SPTA1: variants seen among roughly 807,000 people sequenced by gnomAD.
SPTA1 encodes the protein spectrin alpha chain, erythrocytic 1.
Under a neutral mutation model 324.7 loss-of-function variants are expected in SPTA1, and 177 were observed. That is an observed-to-expected ratio of 0.55 (90% CI 0.48 to 0.62). The LOEUF (loss-of-function observed/expected upper bound fraction) is 0.62. Ranked by LOEUF, SPTA1 falls within the 20% of genes least tolerant of loss-of-function variation. SPTA1 has a pLI of 0.00. For missense variants in SPTA1, 3,162 were observed against 2,883.6 expected, an observed-to-expected ratio of 1.10 and a Z score of -2.21; for synonymous variants, 1,195 against 1,041.3, an observed-to-expected ratio of 1.15 and a Z score of -2.84.
Position 158,680,720 on chromosome 1 carries a change from C to T in SPTA1, c.541G>A (p.Ala181Thr), listed in dbSNP as rs749459491. 13 of 1,613,560 alleles carry T rather than the reference C, an allele frequency of 8.1e-6. No individual in the cohort carries two copies. In the South Asian group the frequency reaches 1.2e-4, roughly 15 times the overall value. Reference protein sequence around the residue: ...LEWIGDKEAIATSVELGEDWE... With the variant: ...LEWIGDKEAITTSVELGEDWE... The stretch of plus-strand genomic sequence containing the variant: ...TCTTCACCTAGCTCCACTGATGTCG[C>T]TATAGCCTCCTGTAGACACAGAAGT... The change falls in exon 5 of 52, where the codon GCG becomes ACG. Residue 181 changes from alanine to threonine, a missense_variant. By Grantham distance (58) the Ala-to-Thr change is moderately conservative (BLOSUM62 0). Coordinates refer to ENST00000643759, the MANE Select transcript of SPTA1 (RefSeq NM_003126.4).
rs1652912357 is a variant in SPTA1 at position 158,657,524 on chromosome 1, G to T, written c.2758C>A (p.Pro920Thr). 2 of 1,614,016 alleles carry T rather than the reference G, an allele frequency of 1.2e-6. No homozygotes were observed. The highest frequency in any genetic ancestry group is 1.7e-6 in the Non-Finnish European group (2 of 1,179,960). The change falls in exon 19 of 52, where the codon CCT (proline) becomes ACT (threonine). Residue 920 changes from proline (P) to threonine (T), a missense_variant. Transcript: ENST00000643759. ...CCATAGTTAGTATTATCTACAATAG[G>T]TTCCTTCTCTCTGATCCATGTTTCT... The part of the protein sequence containing the change: ...EAETWIREKE[P>T]IVDNTNYGAD...
intron 18 of SPTA1, among the ~76,000 whole-genome samples, chr1:158,658,991 G>A (rs1373122972): frequency 6.6e-6 from 1 of 152,020 alleles, no homozygotes; most frequent in Non-Finnish European, 1.5e-5. Flanking sequence ...TATAAGGAAT[G>A]TTAGATGAAG....
Position 158,657,556 on chromosome 1 carries a change from T to A in SPTA1, c.2726A>T (p.His909Leu), listed in dbSNP as rs774846200. The A allele has an allele frequency of 6.2e-7, 1 of 1,611,762 alleles. No individual in the cohort carries two copies. Among genetic ancestry groups the A allele is most frequent in the Non-Finnish European group, 8.5e-7 (1 of 1,178,470 alleles). The change falls in exon 19 of 52, where the codon CAT becomes CTT. Residue 909 changes from histidine to leucine, a missense_variant. Transcript: ENST00000643759. Reference protein sequence around the residue: ...VQFQQYLADLHEAETWIREKE... With the variant: ...VQFQQYLADLLEAETWIREKE... Reference sequence around the variant, plus strand: ...CTCTCTGATCCATGTTTCTGCTTCATGCAGGTCAGCCAGGTACTGCTGGAA... The same window carrying A: ...CTCTCTGATCCATGTTTCTGCTTCAAGCAGGTCAGCCAGGTACTGCTGGAA...
At chr1:158,622,307 T>C (rs1457502467) in intron 43 of SPTA1, among the ~76,000 whole-genome samples, 3 of 152,086 alleles carry the variant, frequency 2.0e-5, no homozygotes, top group Non-Finnish European at 4.4e-5. Flanking sequence ...TAATCCATAT[T>C]AATCATACAT....
rs1205028924 is a variant in SPTA1, at chr1:158,612,812, C to T, written c.7134+5G>A. 9 of 1,613,680 alleles carry T rather than the reference C, an allele frequency of 5.6e-6. No individual in the cohort carries two copies. The highest frequency in any genetic ancestry group is 1.1e-5 in the South Asian group (1 of 91,056). Reference sequence around the variant, plus strand: ...GTGTAGTAGGGGAAGCAACCAGAATCGGACCTGCTTCATGTCTTCTTTGGT... The same window carrying T: ...GTGTAGTAGGGGAAGCAACCAGAATTGGACCTGCTTCATGTCTTCTTTGGT... On this transcript the variant is annotated splice_donor_5th_base_variant and intron_variant, in intron 51 of 51. Transcript: ENST00000643759.
intron 33 of SPTA1, among the ~76,000 whole-genome samples, chr1:158,640,633 A>G (rs1334800312): frequency 6.6e-6 from 1 of 152,308 alleles, no homozygotes; most frequent in East Asian, 1.9e-4. Flanking sequence ...GACCTCTTCA[A>G]GGAGAACTAC....
intron 3 of SPTA1, among the ~76,000 whole-genome samples, chr1:158,682,752 T>TCCAAAAATAGC (rs1453909562): frequency 6.6e-6 from 1 of 152,162 alleles, no homozygotes; most frequent in Non-Finnish European, 1.5e-5. Context: ...GTAGATTAAG[T>TCCAAAAATAGC]CCAAAAATAG....
chr1:158,639,487 A>C, intron 35 of SPTA1, 95 bp downstream of exon 35: 1 of 1,302,588 alleles, frequency 7.7e-7, no homozygotes. Flanking sequence ...CAATTTTGCA[A>C]GGCTATGTTT....
At chr1:158,663,131 G>C (rs768815317) in intron 16 of SPTA1, among the ~76,000 whole-genome samples, 186 bp from the exon 17 acceptor site, 1 of 152,104 alleles carries the variant, frequency 6.6e-6, no homozygotes, top group South Asian at 2.1e-4. Context: ...CATCAGGTAA[G>C]GGCTATTCAT....
At chr1:158,632,762 T>A (rs1650773906) in intron 39 of SPTA1, among the ~76,000 whole-genome samples, 1 of 150,734 alleles carries the variant, frequency 6.6e-6, no homozygotes, top group Non-Finnish European at 1.5e-5. Context: ...AATTTGGCTT[T>A]TTTTTTTTTT....
At position 158,636,708 on chromosome 1, in the gene SPTA1, AC is replaced by A; in HGVS notation, c.5242del (p.Val1748PhefsTer5). The A allele has an allele frequency of 6.2e-7, 1 of 1,613,608 alleles. No individual in the cohort carries two copies. Among genetic ancestry groups the A allele is most frequent in the African/African-American group, 1.3e-5 (1 of 74,774 alleles). On this transcript the variant is annotated frameshift_variant, in exon 37 of 52. Coordinates refer to ENST00000643759, the MANE Select transcript of SPTA1 (RefSeq NM_003126.4). LOFTEE classifies it high-confidence loss of function. ...TTTGTGCTTCTTCAGCAAGTTCTGA[AC>A]CCCCTGAAGATCTCTCCCATAGTCC... Reference protein sequence around the residue: ...SQDYGRDLQGVQNLLKKHKRL... With the variant: ...SQDYGRDLQGXQNLLKKHKRL...
intron 14 of SPTA1, among the ~76,000 whole-genome samples, chr1:158,668,348 C>G (rs957942166): frequency 2.6e-4 from 40 of 152,122 alleles, no homozygotes; most frequent in African/African-American, 8.0e-4. Flanking sequence ...ACAATCAGAG[C>G]TGTCATGAAA....
In SPTA1 at chr1:158,642,274, C is replaced by T. The variant is rs1044845408; in HGVS notation, c.4737+137G>A. ...TGTATACATATGTAACAAACCTGCA[C>T]ATTGTGCACATGTACCCTAAAACTT... On this transcript the variant is annotated intron_variant, in intron 33 of 51. Coordinates refer to ENST00000643759, the MANE Select transcript of SPTA1 (RefSeq NM_003126.4). 5.4e-5 allele frequency: 49 copies of T among 903,884 alleles called. No individual in the cohort carries two copies. In the East Asian group the frequency reaches 2.4e-3, roughly 44 times the overall value. 56.0% of individuals were successfully genotyped at this position (903,884 alleles called of 1,614,324 possible).
chr1:158,628,215 G>A (rs1434911214), intron 39 of SPTA1, among the ~76,000 whole-genome samples: 6 of 152,056 alleles, frequency 3.9e-5, no homozygotes, highest in African/African-American at 1.4e-4. Context: ...TGTGTAGCTG[G>A]CAGAATGAAA....
rs767169561 is a variant in SPTA1 at position 158,672,146 on chromosome 1, C to T, written c.1401G>A (p.Glu467=). 6.2e-7 allele frequency: 1 copy of T among 1,614,084 alleles called. No individual in the cohort carries two copies. Among genetic ancestry groups the T allele is most frequent in the South Asian group, 1.1e-5 (1 of 91,088 alleles). Residue 467 remains glutamate (E), a synonymous_variant, in exon 11 of 52, where the codon GAG becomes GAA. Transcript: ENST00000643759. ...AGCACTGCTCATACTGACGATGACG[C>T]TCGTCCCACAGTTCCAGCAGGGCAG... ...NWTALLELWD[E]RHRQYEQCLD...
chr1:158,649,731 T>G, intron 25 of SPTA1, 125 bp downstream of exon 25: 1 of 797,522 alleles, frequency 1.3e-6, no homozygotes, highest in Non-Finnish European at 2.1e-6. Flanking sequence ...AACCTAATTT[T>G]CTATTGGCAC....
In SPTA1 at chr1:158,647,530, C is replaced by G; in HGVS notation, c.3896+9G>C. On this transcript the variant is annotated intron_variant, in intron 27 of 51. Transcript: ENST00000643759. ...AGGCCAGACACGGAAGTTACCCACC[C>G]CACTCTACCTGGCCTTGCTGAGGAA... The G allele has an allele frequency of 6.2e-7, 1 of 1,612,772 alleles. No individual in the cohort carries two copies. Among genetic ancestry groups the G allele is most frequent in the Non-Finnish European group, 8.5e-7 (1 of 1,179,820 alleles).
Position 158,677,695 on chromosome 1 carries a change from C to T in SPTA1, c.952G>A (p.Asp318Asn), listed in dbSNP as rs1482802729. Residue 318 changes from aspartate (D) to asparagine (N), a missense_variant, in exon 7 of 52, where the codon GAC becomes AAC. Physicochemically the swap from Asp to Asn is conservative, Grantham distance 23. Transcript: ENST00000643759. The stretch of plus-strand genomic sequence containing the variant: ...TTTCTCTAACAGCGCATTACCTTGT[C>T]ACTCATGACAGCAAGATTTCTCTCA... Reference protein sequence around the residue: ...GLERNLAVMSDKVKELCAKAE... With the variant: ...GLERNLAVMSNKVKELCAKAE... 1.9e-6 allele frequency: 3 copies of T among 1,613,310 alleles called. No individual in the cohort carries two copies. In the East Asian group the frequency reaches 6.7e-5, roughly 36 times the overall value.
chr1:158,645,846 A>G (rs1651961081), intron 27 of SPTA1, among the ~76,000 whole-genome samples: 1 of 152,010 alleles, frequency 6.6e-6, no homozygotes, highest in Non-Finnish European at 1.5e-5. Flanking sequence ...AGATTCCGGG[A>G]ATTTTTTGTT....
Sources: gnomAD v4.1 joint callset for allele counts (sites outside exome capture counted in the v4.1 genomes callset) on GRCh38, gnomAD v4.1.1 for gene constraint, MANE v1.5 for transcripts, NCBI Gene and HGNC (gene_info 2026-07-23, HGNC 2026-07-21) for gene names.